Variants in CAMKMT observed in about 807,000 individuals in gnomAD.
CAMKMT encodes the protein calmodulin-lysine N-methyltransferase, also known as CaM KMT.
Under a neutral mutation model 48.0 loss-of-function variants are expected in CAMKMT, and 53 were observed. That is an observed-to-expected ratio of 1.10 (90% CI 0.89 to 1.39). The LOEUF is 1.39. CAMKMT is among the 40% of genes most tolerant of loss of function. CAMKMT has a pLI of 0.00. For missense variants in CAMKMT, 428 were observed against 402.7 expected, an observed-to-expected ratio of 1.06 and a Z score of -0.54; for synonymous variants, 165 against 152.3, an observed-to-expected ratio of 1.08 and a Z score of -0.61.
chr2:44,383,067 G>C (rs2104392642), intron 2 of CAMKMT, among the ~76,000 whole-genome samples: 1 of 151,980 alleles, frequency 6.6e-6, no homozygotes, highest in African/African-American at 2.4e-5. Flanking sequence ...CCCTCACACT[G>C]CCTTTTCGGA....
chr2:44,566,940 A>G (rs915338050), intron 3 of CAMKMT, among the ~76,000 whole-genome samples: 6 of 152,218 alleles, frequency 3.9e-5, no homozygotes. Flanking sequence ...CAGGGAGATA[A>G]GAGTCTATGG....
At chr2:44,407,167 T>C (rs1490685737) in intron 3 of CAMKMT, among the ~76,000 whole-genome samples, 1 of 152,210 alleles carries the variant, frequency 6.6e-6, no homozygotes, top group Non-Finnish European at 1.5e-5. Context: ...TGGTGGGCTA[T>C]CATTATCTTG....
intron 3 of CAMKMT, among the ~76,000 whole-genome samples, chr2:44,489,975 A>C (rs1363548358): frequency 6.6e-6 from 1 of 151,984 alleles, no homozygotes; most frequent in Non-Finnish European, 1.5e-5. Flanking sequence ...GCTGAATCTA[A>C]TGTATATATT....
chr2:44,758,813 A>G (rs1680489778), intron 9 of CAMKMT, among the ~76,000 whole-genome samples: 1 of 152,222 alleles, frequency 6.6e-6, no homozygotes, highest in Non-Finnish European at 1.5e-5. Context: ...AGCAGCCTGC[A>G]AGTTGAACTT....
At chr2:44,583,028 A>G (rs1020402119) in intron 3 of CAMKMT, among the ~76,000 whole-genome samples, 2 of 150,696 alleles carry the variant, frequency 1.3e-5, no homozygotes, top group Admixed American at 6.6e-5. Flanking sequence ...TACTCCCCAC[A>G]AAAAACCCTT....
intron 7 of CAMKMT, among the ~76,000 whole-genome samples, chr2:44,738,754 G>GA (rs1306031213): frequency 2.6e-5 from 4 of 152,122 alleles, no homozygotes; most frequent in Admixed American, 2.6e-4. Context: ...AGCTGCTACA[G>GA]AAAAATAAAG....
At chr2:44,742,929 C>T (rs1489569820) in intron 7 of CAMKMT, among the ~76,000 whole-genome samples, 1 of 152,154 alleles carries the variant, frequency 6.6e-6, no homozygotes, top group African/African-American at 2.4e-5. Flanking sequence ...CATTAAAATA[C>T]TTGAATATGG....
intron 3 of CAMKMT, among the ~76,000 whole-genome samples, chr2:44,438,857 A>G (rs1449793433): frequency 6.6e-6 from 1 of 151,808 alleles, no homozygotes; most frequent in African/African-American, 2.4e-5. Context: ...GCTTCAACTC[A>G]CCCTTGCATA....
At chr2:44,723,535 G>A (rs1220367042) in intron 7 of CAMKMT, among the ~76,000 whole-genome samples, 1 of 151,698 alleles carries the variant, frequency 6.6e-6, no homozygotes, top group Non-Finnish European at 1.5e-5. Context: ...AGGTTGCAGT[G>A]AGCGGAGATC....
intron 3 of CAMKMT, among the ~76,000 whole-genome samples, chr2:44,642,598 C>T (rs1322494394): frequency 6.6e-6 from 1 of 152,066 alleles, no homozygotes; most frequent in Non-Finnish European, 1.5e-5. Flanking sequence ...ATGTGTGTGA[C>T]TTTATGAGAA....
At chr2:44,645,894 A>G (rs1283691898) in intron 3 of CAMKMT, among the ~76,000 whole-genome samples, 1 of 152,222 alleles carries the variant, frequency 6.6e-6, no homozygotes, top group Non-Finnish European at 1.5e-5. Flanking sequence ...AAAGGGTAGG[A>G]AGACTGACAG....
intron 7 of CAMKMT, among the ~76,000 whole-genome samples, chr2:44,722,914 C>G (rs554987425): frequency 2.3e-4 from 35 of 152,114 alleles, no homozygotes; most frequent in Non-Finnish European, 4.6e-4. Context: ...TCCTCTTTAA[C>G]CAGTGCAGAA....
At chr2:44,560,697 C>T (rs1668278549) in intron 3 of CAMKMT, among the ~76,000 whole-genome samples, 1 of 152,184 alleles carries the variant, frequency 6.6e-6, no homozygotes, top group African/African-American at 2.4e-5. Flanking sequence ...CAATAGTTAA[C>T]CTAATCTAAT....
chr2:44,585,924 A>C (rs1051321493), intron 3 of CAMKMT, among the ~76,000 whole-genome samples: 3 of 152,204 alleles, frequency 2.0e-5, no homozygotes, highest in Non-Finnish European at 4.4e-5. Flanking sequence ...AAAGGTCGTT[A>C]CTCTGCAATA....
chr2:44,383,310 G>A (rs1680444888), intron 2 of CAMKMT, among the ~76,000 whole-genome samples: 2 of 151,812 alleles, frequency 1.3e-5, no homozygotes, highest in South Asian at 2.1e-4. Flanking sequence ...GACTACAGGC[G>A]CATGCCACCA....
chr2:44,406,950 C>T (rs145707722), intron 3 of CAMKMT, among the ~76,000 whole-genome samples: 1 of 152,296 alleles, frequency 6.6e-6, no homozygotes, highest in Non-Finnish European at 1.5e-5. Flanking sequence ...TAATTTCTGT[C>T]TACTTAACTG....
intron 3 of CAMKMT, among the ~76,000 whole-genome samples, chr2:44,582,163 G>A (rs1399241975): frequency 6.6e-6 from 1 of 152,114 alleles, no homozygotes; most frequent in African/African-American, 2.4e-5. Flanking sequence ...TACCTAAACC[G>A]GGCCTTTCTG....
intron 3 of CAMKMT, among the ~76,000 whole-genome samples, chr2:44,656,945 G>A (rs1204078633): frequency 1.3e-5 from 2 of 151,992 alleles, no homozygotes; most frequent in Admixed American, 1.3e-4. Flanking sequence ...TATACACCAG[G>A]GCCACAAGTG....
rs1339306715 is a variant in CAMKMT, at chr2:44,389,631, G to A, written c.312-610G>A. Among the ~76,000 whole-genome samples the A allele has an allele frequency of 2.0e-5, 3 of 151,990 alleles. No homozygotes were observed. In the East Asian group the frequency reaches 5.8e-4, roughly 29 times the overall value. ...TGAGTCTATTTGTATATAACAAATA[G>A]TATTTTTCATAGGTATTAATAAAAT... On this transcript the variant is annotated intron_variant, in intron 2 of 10. Transcript: ENST00000378494.
Sources: gnomAD v4.1 joint callset for allele counts (sites outside exome capture counted in the v4.1 genomes callset) on GRCh38, gnomAD v4.1.1 for gene constraint, MANE v1.5 for transcripts, NCBI Gene and HGNC (gene_info 2026-07-23, HGNC 2026-07-21) for gene names.